The following CLCNKB variants were observed in gnomAD, a reference collection of about 807,000 sequenced individuals.
The protein encoded by CLCNKB is chloride voltage-gated channel Kb.
Under a neutral mutation model 83.8 loss-of-function variants are expected in CLCNKB, and 74 were observed. The observed-to-expected ratio is 0.88, with a 90% CI of 0.73 to 1.07. CLCNKB has a LOEUF of 1.07. Among genes scored for constraint, CLCNKB ranks in the 50% least tolerant of loss-of-function variants. The pLI, the probability that CLCNKB is intolerant of heterozygous loss-of-function variation, is 0.00. For synonymous variants in CLCNKB, 358 were observed against 356.6 expected (o/e 1.00, Z -0.04); for missense variants, 798 against 893.6 (o/e 0.89, Z 1.36).
rs751976013 is a variant in CLCNKB, at chr1:16,048,330, C to A, written c.499-13C>A. 66 of 1,613,810 alleles carry A rather than the reference C, an allele frequency of 4.1e-5. No homozygotes were observed. In the South Asian group the frequency reaches 6.7e-4, roughly 16 times the overall value. ...CCCTCACCTGGGCCCTGGGCCCACC[C>A]TTCTCTCTGCAGGGCCCTTTCGTGC... On this transcript the variant is annotated splice_polypyrimidine_tract_variant and intron_variant, in intron 5 of 19. Transcript: ENST00000375679.
At chr1:16,046,736 G>A in intron 4 of CLCNKB, 73 bp downstream of exon 4, 2 of 1,580,654 alleles carry the variant, frequency 1.3e-6, no homozygotes, top group Non-Finnish European at 1.7e-6. Context: ...GTCGGGAAGG[G>A]GCAGCCTCAT....
chr1:16,051,659 C>T, intron 13 of CLCNKB, 51 bp from the exon 14 acceptor site: 1 of 1,602,530 alleles, frequency 6.2e-7, no homozygotes, highest in East Asian at 2.2e-5. Flanking sequence ...GGATGGAGGG[C>T]TGTGGGGGCC....
chr1:16,051,118 C>T (rs1212359704), intron 12 of CLCNKB, 70 bp downstream of exon 12: 55 of 1,608,046 alleles, frequency 3.4e-5, no homozygotes, highest in Admixed American at 5.0e-5. Context: ...GGTACCTCAT[C>T]GCAGCTGGTG....
intron 5 of CLCNKB, 112 bp from the exon 6 acceptor site, chr1:16,048,231 G>GTGGGCCTGGGAGA: frequency 2.0e-6 from 3 of 1,484,750 alleles, no homozygotes; most frequent in Non-Finnish European, 2.8e-6. Context: ...GAGGACGGCC[G>GTGGGCCTGGGAGA]TGGGGGCTTG....
chr1:16,052,526 T>TGGGAGG, intron 15 of CLCNKB, 115 bp downstream of exon 15: 22 of 1,354,308 alleles, frequency 1.6e-5, no homozygotes, highest in Non-Finnish European at 2.0e-5. Flanking sequence ...ACATGGGGGC[T>TGGGAGG]GACACACAGC....
intron 4 of CLCNKB, among the ~76,000 whole-genome samples, 162 bp downstream of exon 4, chr1:16,046,825 G>T (rs181505214): frequency 6.6e-6 from 1 of 152,342 alleles, no homozygotes; most frequent in Admixed American, 6.5e-5. Flanking sequence ...TGACTTTTGG[G>T]TCACTGCTGG....
At chr1:16,049,355 CTT>C in intron 8 of CLCNKB, 110 bp downstream of exon 8, 1 of 1,546,314 alleles carries the variant, frequency 6.5e-7, no homozygotes, top group South Asian at 1.2e-5. Context: ...CTCTCTCCCT[CTT>C]TTTCCTCTTC....
In CLCNKB at chr1:16,049,678, A is replaced by C; in HGVS notation, c.842A>C (p.Glu281Ala). 9 of 1,611,164 alleles carry C rather than the reference A, an allele frequency of 5.6e-6. No individual in the cohort carries two copies. Among genetic ancestry groups the C allele is most frequent in the Non-Finnish European group, 7.6e-6 (9 of 1,178,304 alleles). ...FRVDVPFDLP[E>A]IFFFVALGGL... ...GTGGACGTTCCCTTCGACCTGCCTG[A>C]GATCTTCTTTTTTGTGGCGCTGGGG... The change falls in exon 9 of 20, where the codon GAG becomes GCG. Residue 281 changes from glutamate to alanine, a missense_variant. Coordinates refer to ENST00000375679, the MANE Select transcript of CLCNKB (RefSeq NM_000085.5).
chr1:16,055,436 G>C lies in CLCNKB; in HGVS notation c.1758G>C (p.Glu586Asp). 2 of 1,613,442 alleles carry C rather than the reference G, an allele frequency of 1.2e-6. No individual in the cohort carries two copies. The highest frequency in any genetic ancestry group is 1.7e-6 in the Non-Finnish European group (2 of 1,179,800). ...TCTGGCTGTCTCTCCACTTGCCAGA[G>C]TCCCAGATCCTGGTGGGCATAGTGC... ...VAKYPLVEST[E>D]SQILVGIVRR... Residue 586 changes from glutamate to aspartate, a missense_variant and splice_region_variant, in exon 17 of 20, where the codon GAG (glutamate) becomes GAC (aspartate). Coordinates refer to ENST00000375679, the MANE Select transcript of CLCNKB (RefSeq NM_000085.5).
At position 16,056,427 on chromosome 1, in the gene CLCNKB, C is replaced by T; in HGVS notation, c.1935C>T (p.His645=). 6.2e-7 allele frequency: 1 copy of T among 1,614,118 alleles called. No individual in the cohort carries two copies. The highest frequency in any genetic ancestry group is 8.5e-7 in the Non-Finnish European group (1 of 1,180,000). Residue 645 remains histidine, a synonymous_variant, in exon 19 of 20, where the codon CAC becomes CAT. Coordinates refer to ENST00000375679, the MANE Select transcript of CLCNKB (RefSeq NM_000085.5). The part of the protein sequence containing the change: ...LSPETSLHEA[H]NLFELLNLHS... ...TCCTAACATCCCCCATCCAGGCACA[C>T]AACCTCTTTGAGCTGTTGAACCTTC...
chr1:16,049,620 A>G lies in CLCNKB; in HGVS notation c.784A>G (p.Thr262Ala). The change falls in exon 9 of 20, where the codon ACC becomes GCC. Residue 262 changes from threonine (T) to alanine (A), a missense_variant and splice_region_variant. Physicochemically the swap from Thr to Ala is moderately conservative, Grantham distance 58 (BLOSUM62 0). Transcript: ENST00000375679. ...LLAVFNSEQE[T>A]ITSLYKTSFR... ...TCCCCACTGCCCTCCTTCCCCAGAG[A>G]CCATCACCTCCCTCTACAAGACCAG... 1.2e-6 allele frequency: 2 copies of G among 1,602,190 alleles called. No individual in the cohort carries two copies. Among genetic ancestry groups the G allele is most frequent in the Non-Finnish European group, 1.7e-6 (2 of 1,172,510 alleles).
intron 15 of CLCNKB, 108 bp downstream of exon 15, chr1:16,052,519 T>TGGGGGCTGGGA: frequency 7.4e-7 from 1 of 1,354,164 alleles, no homozygotes; most frequent in Non-Finnish European, 1.0e-6. Flanking sequence ...ACCTCGGACA[T>TGGGGGCTGGGA]GGGGGCTGAC....
chr1:16,046,843 T>G (rs1338121829), intron 4 of CLCNKB, among the ~76,000 whole-genome samples, 180 bp downstream of exon 4: 1 of 152,210 alleles, frequency 6.6e-6, no homozygotes, highest in Non-Finnish European at 1.5e-5. Flanking sequence ...TGGCCCTACC[T>G]GCTTTCCAGG....
intron 18 of CLCNKB, among the ~76,000 whole-genome samples, 157 bp from the exon 19 acceptor site, chr1:16,056,265 C>T (rs1375414572): frequency 6.6e-6 from 1 of 152,052 alleles, no homozygotes; most frequent in East Asian, 1.9e-4. Context: ...CTCTGGCATC[C>T]CCCAGTGGCC....
chr1:16,050,730 C>T, intron 11 of CLCNKB, 130 bp downstream of exon 11: 2 of 1,476,672 alleles, frequency 1.4e-6, no homozygotes, highest in South Asian at 1.2e-5. Context: ...GATGATACTA[C>T]AGCTTCGGGA....
At chr1:16,049,991 G>A in intron 10 of CLCNKB, 75 bp downstream of exon 10, 5 of 1,015,854 alleles carry the variant, frequency 4.9e-6, no homozygotes, top group Non-Finnish European at 7.2e-6. Flanking sequence ...TATGTAGAAA[G>A]CTCTACCCGC....
chr1:16,045,758 G>T, intron 3 of CLCNKB, 72 bp downstream of exon 3: 1 of 1,308,354 alleles, frequency 7.6e-7, no homozygotes, highest in African/African-American at 1.4e-5. Context: ...CCAGGTGGAT[G>T]TCGCCAGGTG....
chr1:16,047,883 G>A lies in CLCNKB; in HGVS notation c.359-22G>A, dbSNP rs371135618. The A allele has an allele frequency of 1.7e-5, 27 of 1,612,694 alleles. 1 individual carries two copies. In the African/African-American group the frequency reaches 3.6e-4, roughly 22 times the overall value. On this transcript the variant is annotated intron_variant, in intron 4 of 19. Transcript: ENST00000375679. ...TTAACCTAGAGATTGTCCCCCTCCT[G>A]GCCCTGCCCACCCCCGCCAAGGTTC...
At position 16,055,706 on chromosome 1, in the gene CLCNKB, G is replaced by A. The variant is rs143663847; in HGVS notation, c.1877G>A (p.Cys626Tyr). Residue 626 changes from cysteine (C) to tyrosine (Y), a missense_variant, in exon 18 of 20, where the codon TGC (cysteine) becomes TAC (tyrosine). Coordinates refer to ENST00000375679, the MANE Select transcript of CLCNKB (RefSeq NM_000085.5). The part of the protein sequence containing the change: ...QCLQDILAAG[C>Y]PTEPVTLKLS... ...CTCCAGGACATCTTGGCTGCAGGCT[G>A]CCCCACAGAACCAGTGACCCTGAAG... 0.014 allele frequency: 23,295 copies of A among 1,613,758 alleles called. 552 individuals carry two copies. Among genetic ancestry groups the A allele is most frequent in the Admixed American group, 0.11 (6,584 of 60,008 alleles).
Sources: allele counts gnomAD v4.1 joint callset (sites outside exome capture counted in the v4.1 genomes callset), GRCh38; gene constraint gnomAD v4.1.1; transcripts MANE v1.5; gene names NCBI Gene and HGNC (gene_info 2026-07-23, HGNC 2026-07-21).